The following LUZP2 variants were observed in gnomAD, a reference collection of about 807,000 sequenced individuals.
The protein encoded by LUZP2 is leucine zipper protein 2.
In LUZP2, 52 loss-of-function variants were observed where a neutral mutation model predicts 51.6. That is an observed-to-expected ratio of 1.01 (90% CI 0.81 to 1.27). The LOEUF is 1.27. Ranked by LOEUF, LUZP2 falls within the 50% of genes most tolerant of loss-of-function variation. The pLI is 0.00. For synonymous variants in LUZP2, 154 were observed against 137.3 expected, an observed-to-expected ratio of 1.12 and a Z score of -0.85; for missense variants, 436 against 395.4, an observed-to-expected ratio of 1.10 and a Z score of -0.87.
intron 5 of LUZP2, among the ~76,000 whole-genome samples, chr11:24,792,171 G>A (rs141855845): frequency 0.012 from 1,868 of 152,154 alleles, 20 homozygotes; most frequent in Admixed American, 0.019. Flanking sequence ...GTTCATGTCT[G>A]TAATCCCAGC....
At chr11:24,498,107 G>C (rs1012759887) in intron 1 of LUZP2, among the ~76,000 whole-genome samples, 6 of 152,130 alleles carry the variant, frequency 3.9e-5, no homozygotes, top group African/African-American at 1.4e-4. Context: ...TGATGGGTTT[G>C]CTTTTTTCTT....
chr11:25,037,836 C>T (rs1857912322), intron 9 of LUZP2, among the ~76,000 whole-genome samples: 1 of 151,948 alleles, frequency 6.6e-6, no homozygotes, highest in Non-Finnish European at 1.5e-5. Context: ...TGCTGCTAGC[C>T]TAATGGAGTT....
intron 7 of LUZP2, among the ~76,000 whole-genome samples, chr11:24,942,522 G>GT (rs1299905424): frequency 6.6e-6 from 1 of 152,044 alleles, no homozygotes; most frequent in Non-Finnish European, 1.5e-5. Flanking sequence ...GGCTGTTCAC[G>GT]TGTTTTTCTC....
intron 3 of LUZP2, among the ~76,000 whole-genome samples, chr11:24,733,421 A>G (rs1167692597): frequency 6.6e-6 from 1 of 151,802 alleles, no homozygotes; most frequent in African/African-American, 2.4e-5. Context: ...TTGAATAGCA[A>G]TAGTAGAACA....
intron 1 of LUZP2, among the ~76,000 whole-genome samples, chr11:24,643,067 G>A (rs1407566272): frequency 6.6e-6 from 1 of 151,882 alleles, no homozygotes; most frequent in East Asian, 1.9e-4. Flanking sequence ...TAAAATCTAG[G>A]CAAAACGTGA....
chr11:24,999,442 G>C (rs574993573), intron 9 of LUZP2, among the ~76,000 whole-genome samples: 2 of 151,190 alleles, frequency 1.3e-5, no homozygotes, highest in East Asian at 3.9e-4. Flanking sequence ...GGAAGAAGGA[G>C]GAGAAGGAGA....
intron 1 of LUZP2, among the ~76,000 whole-genome samples, chr11:24,533,156 C>A (rs536963708): frequency 3.6e-4 from 54 of 151,252 alleles, no homozygotes; most frequent in African/African-American, 1.3e-3. Flanking sequence ...TGTGAATTTC[C>A]ATTGGATACC....
At chr11:24,851,431 C>G (rs999611624) in intron 5 of LUZP2, among the ~76,000 whole-genome samples, 4 of 152,154 alleles carry the variant, frequency 2.6e-5, no homozygotes, top group East Asian at 3.8e-4. Context: ...ATTAAACCAG[C>G]CTTGCATCCC....
At chr11:25,016,066 G>A (rs111978438) in intron 9 of LUZP2, among the ~76,000 whole-genome samples, 32 of 151,610 alleles carry the variant, frequency 2.1e-4, no homozygotes, top group Middle Eastern at 3.4e-3. Context: ...GACTACAGGC[G>A]CTCGCCACCA....
At chr11:24,606,952 A>G (rs1381825135) in intron 1 of LUZP2, among the ~76,000 whole-genome samples, 1 of 152,024 alleles carries the variant, frequency 6.6e-6, no homozygotes, top group Admixed American at 6.6e-5. Context: ...TTCCTACGAA[A>G]AATTTGAGTT....
At chr11:24,998,342 T>C (rs964783917) in intron 9 of LUZP2, among the ~76,000 whole-genome samples, 1 of 152,194 alleles carries the variant, frequency 6.6e-6, no homozygotes, top group Non-Finnish European at 1.5e-5. Flanking sequence ...TCACGTCCCT[T>C]GTAAGTTGGA....
intron 5 of LUZP2, among the ~76,000 whole-genome samples, chr11:24,792,569 G>T (rs1453279276): frequency 6.6e-6 from 1 of 152,082 alleles, no homozygotes; most frequent in Admixed American, 6.6e-5. Context: ...GTACGGCACT[G>T]TTATAATCTC....
intron 1 of LUZP2, among the ~76,000 whole-genome samples, chr11:24,614,568 A>G (rs1363185063): frequency 2.6e-5 from 4 of 151,900 alleles, no homozygotes; most frequent in Non-Finnish European, 5.9e-5. Flanking sequence ...GCTTTTTACC[A>G]ATTTCTTCTG....
chr11:24,550,977 T>C (rs1221908975), intron 1 of LUZP2, among the ~76,000 whole-genome samples: 1 of 152,024 alleles, frequency 6.6e-6, no homozygotes, highest in Admixed American at 6.6e-5. Flanking sequence ...AATGTATGTT[T>C]TTTATACTTT....
At chr11:24,972,587 T>A (rs1855772938) in intron 7 of LUZP2, among the ~76,000 whole-genome samples, 1 of 152,160 alleles carries the variant, frequency 6.6e-6, no homozygotes, top group African/African-American at 2.4e-5. Context: ...GTTGTCCTTC[T>A]ATTTTTGAGT....
At chr11:24,968,102 C>T (rs1267792952) in intron 7 of LUZP2, among the ~76,000 whole-genome samples, 1 of 152,062 alleles carries the variant, frequency 6.6e-6, no homozygotes, top group Non-Finnish European at 1.5e-5. Context: ...AGTACCCAAG[C>T]TCCTCTTATT....
chr11:25,048,557 T>A (rs1217265490), intron 9 of LUZP2, among the ~76,000 whole-genome samples: 1 of 152,174 alleles, frequency 6.6e-6, no homozygotes, highest in Non-Finnish European at 1.5e-5. Flanking sequence ...GCTTGTTCAT[T>A]GGCTTGATTT....
chr11:24,597,844 G>A (rs1853493012), intron 1 of LUZP2, among the ~76,000 whole-genome samples: 1 of 152,128 alleles, frequency 6.6e-6, no homozygotes, highest in African/African-American at 2.4e-5. Context: ...TTATATGCCT[G>A]TAATCCTAGC....
At chr11:24,595,360 G>A (rs1034967717) in intron 1 of LUZP2, among the ~76,000 whole-genome samples, 1 of 152,106 alleles carries the variant, frequency 6.6e-6, no homozygotes, top group Non-Finnish European at 1.5e-5. Context: ...AAGGAGCACA[G>A]GCACTGGGGA....
Sources: allele counts gnomAD v4.1 joint callset (sites outside exome capture counted in the v4.1 genomes callset), GRCh38; gene constraint gnomAD v4.1.1; transcripts MANE v1.5; gene names NCBI Gene and HGNC (gene_info 2026-07-23, HGNC 2026-07-21).